FTO: variants seen among roughly 807,000 people sequenced by gnomAD.
FTO encodes FTO alpha-ketoglutarate dependent dioxygenase.
FTO carries 47 observed loss-of-function variants against 63.9 expected under a neutral mutation model. The ratio of observed to expected loss-of-function variants is 0.74; its 90% CI spans 0.58 to 0.94. The LOEUF (loss-of-function observed/expected upper bound fraction) is 0.94, where lower values mean the gene tolerates loss of function less well. Among genes scored for constraint, FTO ranks in the 40% least tolerant of loss-of-function variants. The probability of loss-of-function intolerance (pLI) is 0.00; values close to 1 mark genes in which losing one functional copy is unlikely to be tolerated. For synonymous variants in FTO, 207 were observed against 224.4 expected, an observed-to-expected ratio of 0.92 and a Z score of 0.69; for missense variants, 562 against 618.1, an observed-to-expected ratio of 0.91 and a Z score of 0.96.
intron 8 of FTO, among the ~76,000 whole-genome samples, chr16:53,963,161 C>G (rs2083120561): frequency 6.6e-6 from 1 of 152,160 alleles, no homozygotes; most frequent in Admixed American, 6.5e-5. Flanking sequence ...ATTTGAGGAT[C>G]CTAATGATAC....
intron 8 of FTO, among the ~76,000 whole-genome samples, chr16:54,005,285 A>C (rs2084175525): frequency 6.8e-6 from 1 of 146,364 alleles, no homozygotes; most frequent in African/African-American, 2.5e-5. Context: ...TTTATTTTAT[A>C]AAATAAAAAT....
intron 6 of FTO, among the ~76,000 whole-genome samples, chr16:53,881,496 A>G (rs2080835405): frequency 6.6e-6 from 1 of 152,172 alleles, no homozygotes; most frequent in Non-Finnish European, 1.5e-5. Flanking sequence ...GCTTACTCAC[A>G]AGACACGCAG....
intron 1 of FTO, among the ~76,000 whole-genome samples, chr16:53,766,884 A>G (rs2151621047): frequency 6.6e-6 from 1 of 152,188 alleles, no homozygotes; most frequent in South Asian, 2.1e-4. Context: ...AGCCCAACAA[A>G]CGCGTTCCTT....
intron 8 of FTO, among the ~76,000 whole-genome samples, chr16:53,944,698 A>G (rs1599052168): frequency 6.6e-6 from 1 of 152,262 alleles, no homozygotes; most frequent in African/African-American, 2.4e-5. Flanking sequence ...TTATTTGCCT[A>G]GGGGATGATA....
At position 54,113,938 on chromosome 16, in the gene FTO, G is replaced by T. The variant is rs2086943418; in HGVS notation, c.*2023G>T. On this transcript the variant is annotated 3_prime_UTR_variant, in exon 9 of 9. Transcript: ENST00000471389. ...TTCTCCTGCCTCAGCCTCCCAAGTA[G>T]CTGGGACTACAGGCACGTGCCACCA... 6.6e-6 allele frequency: 1 copy of T among 151,926 alleles called. No homozygotes were observed. The highest frequency in any genetic ancestry group is 2.4e-5 in the African/African-American group (1 of 41,308). The allele number at this position is 151,926 out of a possible 1,614,324, so 9.4% of individuals were successfully genotyped here.
chr16:53,770,362 A>G (rs1304025057), intron 1 of FTO, among the ~76,000 whole-genome samples: 1 of 152,194 alleles, frequency 6.6e-6, no homozygotes, highest in Non-Finnish European at 1.5e-5. Context: ...AGAAATTATA[A>G]TTAGTCATAA....
At chr16:54,010,382 G>A (rs1414124442) in intron 8 of FTO, among the ~76,000 whole-genome samples, 1 of 152,036 alleles carries the variant, frequency 6.6e-6, no homozygotes, top group Non-Finnish European at 1.5e-5. Flanking sequence ...CTCCAGCCTG[G>A]GTGACAGAGC....
chr16:54,030,100 G>A (rs995101675), intron 8 of FTO, among the ~76,000 whole-genome samples: 3 of 152,096 alleles, frequency 2.0e-5, no homozygotes, highest in Non-Finnish European at 4.4e-5. Flanking sequence ...ATCCCATTTC[G>A]AGGTTCTCTC....
intron 8 of FTO, among the ~76,000 whole-genome samples, chr16:53,998,101 C>G (rs2083984644): frequency 6.6e-6 from 1 of 152,112 alleles, no homozygotes; most frequent in Non-Finnish European, 1.5e-5. Flanking sequence ...GTAGACCGCT[C>G]TTTCAGAAAA....
intron 7 of FTO, among the ~76,000 whole-genome samples, chr16:53,904,443 C>G (rs1314469757): frequency 2.0e-5 from 3 of 152,180 alleles, no homozygotes; most frequent in Non-Finnish European, 1.5e-5. Context: ...ATGAGGAACA[C>G]CCATCTGTCC....
intron 1 of FTO, among the ~76,000 whole-genome samples, chr16:53,804,808 G>T (rs1442356081): frequency 6.6e-6 from 1 of 151,896 alleles, no homozygotes; most frequent in African/African-American, 2.4e-5. Context: ...TAGAGACGGG[G>T]TTCCCTTTGA....
At chr16:53,854,097 T>G (rs868480059) in intron 4 of FTO, among the ~76,000 whole-genome samples, 1 of 152,202 alleles carries the variant, frequency 6.6e-6, no homozygotes, top group African/African-American at 2.4e-5. Context: ...TTTTCATATG[T>G]TTATTGGCCA....
At chr16:53,943,765 A>G (rs1464324603) in intron 8 of FTO, among the ~76,000 whole-genome samples, 2 of 152,230 alleles carry the variant, frequency 1.3e-5, no homozygotes, top group Non-Finnish European at 2.9e-5. Context: ...GCTTTGTTAT[A>G]AAGTAATCAC....
chr16:53,764,482 A>AG (rs1201080927), intron 1 of FTO, among the ~76,000 whole-genome samples: 13 of 151,258 alleles, frequency 8.6e-5, no homozygotes, highest in South Asian at 4.2e-4. Flanking sequence ...ATACAAAAAA[A>AG]AAAAAAAAAG....
At chr16:53,997,326 T>G (rs1488445531) in intron 8 of FTO, among the ~76,000 whole-genome samples, 2 of 151,494 alleles carry the variant, frequency 1.3e-5, no homozygotes, top group Non-Finnish European at 2.9e-5. Flanking sequence ...TACCACTGAG[T>G]CCCTCCCACA....
chr16:53,955,125 C>T (rs972791353), intron 8 of FTO, among the ~76,000 whole-genome samples: 5 of 152,134 alleles, frequency 3.3e-5, no homozygotes, highest in African/African-American at 1.2e-4. Context: ...TGGAGTCTAG[C>T]ATTGACCATA....
At chr16:54,093,399 A>G (rs1177914938) in intron 8 of FTO, among the ~76,000 whole-genome samples, 2 of 152,168 alleles carry the variant, frequency 1.3e-5, no homozygotes, top group African/African-American at 4.8e-5. Context: ...TTCTTCCAAA[A>G]AGTGTAAATT....
chr16:54,009,401 A>G (rs1046908465), intron 8 of FTO, among the ~76,000 whole-genome samples: 24 of 152,216 alleles, frequency 1.6e-4, no homozygotes, highest in African/African-American at 4.3e-4. Flanking sequence ...TAAAATGTGT[A>G]AAACTATACC....
At chr16:53,932,638 C>T (rs538019455) in intron 7 of FTO, among the ~76,000 whole-genome samples, 5 of 152,224 alleles carry the variant, frequency 3.3e-5, no homozygotes, top group Admixed American at 3.3e-4. Context: ...AATCTGCCTG[C>T]CTCAGCCTCC....
Sources: allele counts gnomAD v4.1 joint callset (sites outside exome capture counted in the v4.1 genomes callset), GRCh38; gene constraint gnomAD v4.1.1; transcripts MANE v1.5; gene names NCBI Gene and HGNC (gene_info 2026-07-23, HGNC 2026-07-21).